The following CACNA1D variants were observed in gnomAD, a reference collection of about 807,000 sequenced individuals.
The protein encoded by CACNA1D is calcium voltage-gated channel subunit alpha1 D.
CACNA1D carries 55 observed loss-of-function variants against 257.1 expected under a neutral mutation model. That is an observed-to-expected ratio of 0.21 (90% CI 0.17 to 0.27). The LOEUF (loss-of-function observed/expected upper bound fraction) is 0.27, where lower values mean the gene tolerates loss of function less well. CACNA1D is among the 10% of genes least tolerant of loss of function. CACNA1D has a pLI of 1.00. For synonymous variants in CACNA1D, 980 were observed against 1,014.9 expected (o/e 0.97, Z 0.65); for missense variants, 1,876 against 2,784.0 (o/e 0.67, Z 7.34).
intron 3 of CACNA1D, among the ~76,000 whole-genome samples, chr3:53,553,870 A>T (rs1291102321): frequency 1.3e-5 from 2 of 151,094 alleles, no homozygotes; most frequent in Admixed American, 6.6e-5. Flanking sequence ...AGCTTTCCAT[A>T]CTAGATATGT....
In CACNA1D at chr3:53,625,273, G is replaced by A. The variant is rs559578214; in HGVS notation, c.484-25506G>A. Among the ~76,000 whole-genome samples, 4 of 152,316 alleles carry A rather than the reference G, an allele frequency of 2.6e-5. No individual in the cohort carries two copies. In the South Asian group the frequency reaches 8.3e-4, roughly 32 times the overall value. The stretch of plus-strand genomic sequence containing the variant: ...TCTGAGCACTGGTGCTGATGCTGGT[G>A]GGATGGACTACAGAGTCTGTCCCCA... On this transcript the variant is annotated intron_variant, in intron 3 of 47. Coordinates refer to ENST00000350061, the MANE Select transcript of CACNA1D (RefSeq NM_001128840.3).
chr3:53,589,732 C>T (rs2093275117), intron 3 of CACNA1D, among the ~76,000 whole-genome samples: 1 of 152,202 alleles, frequency 6.6e-6, no homozygotes, highest in Non-Finnish European at 1.5e-5. Context: ...TTCTCAACCT[C>T]CCAAAGCACT....
At chr3:53,513,758 C>T (rs147815954) in intron 3 of CACNA1D, among the ~76,000 whole-genome samples, 2 of 152,216 alleles carry the variant, frequency 1.3e-5, no homozygotes, top group Non-Finnish European at 2.9e-5. Flanking sequence ...CCTGCAAGCT[C>T]CATTCATGGT....
chr3:53,573,846 G>A (rs772662937), intron 3 of CACNA1D, among the ~76,000 whole-genome samples: 1 of 152,222 alleles, frequency 6.6e-6, no homozygotes, highest in African/African-American at 2.4e-5. Context: ...GTGAGATACA[G>A]TGTATCATTT....
intron 3 of CACNA1D, among the ~76,000 whole-genome samples, chr3:53,519,134 C>T (rs542269080): frequency 2.6e-5 from 4 of 152,294 alleles, no homozygotes; most frequent in African/African-American, 4.8e-5. Flanking sequence ...TAAAGAGACT[C>T]GGTTCTGGGG....
At chr3:53,797,369 A>C (rs928851148) in intron 40 of CACNA1D, among the ~76,000 whole-genome samples, 1 of 152,196 alleles carries the variant, frequency 6.6e-6, no homozygotes, top group African/African-American at 2.4e-5. Context: ...CATGTGAAAA[A>C]GTAGAGTCAG....
At chr3:53,746,114 CTCTA>C (rs2095166707) in intron 25 of CACNA1D, among the ~76,000 whole-genome samples, 1 of 152,116 alleles carries the variant, frequency 6.6e-6, no homozygotes, top group Non-Finnish European at 1.5e-5. Flanking sequence ...CAACCAACAT[CTCTA>C]TCTAGTTGCA....
At position 53,578,086 on chromosome 3, in the gene CACNA1D, CA is replaced by C. The variant is rs564220633; in HGVS notation, c.484-72692del. On this transcript the variant is annotated intron_variant, in intron 3 of 47. Transcript: ENST00000350061. Reference sequence around the variant, plus strand: ...AAGTCTGTGGGGGATGGAAAGGAACCATGAGAAGCCCCTTTCCTGGGGTGTC... The same window carrying C: ...AAGTCTGTGGGGGATGGAAAGGAACCTGAGAAGCCCCTTTCCTGGGGTGTC... 3.0e-4 allele frequency among the ~76,000 whole-genome samples: 45 copies of C among 152,156 alleles called. 1 individual carries two copies. The highest frequency in any genetic ancestry group is 1.9e-4 in the Non-Finnish European group (13 of 68,024).
In CACNA1D at chr3:53,803,652, G is replaced by A. The variant is rs78079551; in HGVS notation, c.5585+80G>A. 2,375 of 1,443,484 alleles carry A rather than the reference G, an allele frequency of 1.6e-3. 31 individuals carry two copies. The African/African-American group carries it at 0.029, about 17-fold the overall frequency. The allele number at this position is 1,443,484 out of a possible 1,614,324, so 89.4% of individuals were successfully genotyped here. A position where few individuals can be genotyped will look rare whatever the true frequency, so the allele number is the denominator to read the frequency against. On this transcript the variant is annotated intron_variant, in intron 44 of 47. Coordinates refer to ENST00000350061, the MANE Select transcript of CACNA1D (RefSeq NM_001128840.3). ...GCCCACTCCGGAAGCCAGGGCCACCGGCAGCTGCACTTGGGCTTCCCCTAA... is the reference window on the plus strand; with the variant it reads ...GCCCACTCCGGAAGCCAGGGCCACCAGCAGCTGCACTTGGGCTTCCCCTAA...
At chr3:53,685,763 G>T (rs1357170223) in intron 8 of CACNA1D, among the ~76,000 whole-genome samples, 1 of 152,006 alleles carries the variant, frequency 6.6e-6, no homozygotes, top group Non-Finnish European at 1.5e-5. Context: ...AATCCAACTG[G>T]GAAATTGTAT....
intron 8 of CACNA1D, among the ~76,000 whole-genome samples, chr3:53,680,151 C>T (rs2094415807): frequency 6.6e-6 from 1 of 152,124 alleles, no homozygotes; most frequent in African/African-American, 2.4e-5. Flanking sequence ...CGCTGGCTTA[C>T]AGCTACTGTT....
chr3:53,570,080 A>G (rs1465959960), intron 3 of CACNA1D, among the ~76,000 whole-genome samples: 2 of 152,222 alleles, frequency 1.3e-5, no homozygotes. Context: ...ATTCCTTTTA[A>G]ATACTGGCCG....
Position 53,569,544 on chromosome 3 carries a change from C to G in CACNA1D, c.483+67824C>G, listed in dbSNP as rs190288363. Among the ~76,000 whole-genome samples the G allele has an allele frequency of 3.2e-3, 494 of 152,296 alleles. 1 individual carries two copies. Among genetic ancestry groups the G allele is most frequent in the African/African-American group, 0.011 (456 of 41,562 alleles). On this transcript the variant is annotated intron_variant, in intron 3 of 47. Coordinates refer to ENST00000350061, the MANE Select transcript of CACNA1D (RefSeq NM_001128840.3). ...TAGGTCTCCATATACAGTGGAGATT[C>G]TAGTAATTCGCTGTCTCAGGTCCTG...
intron 3 of CACNA1D, among the ~76,000 whole-genome samples, chr3:53,595,630 G>A (rs994476537): frequency 6.6e-6 from 1 of 152,138 alleles, no homozygotes; most frequent in Non-Finnish European, 1.5e-5. Flanking sequence ...CTGGGCCCCT[G>A]CCTGACTCTT....
intron 3 of CACNA1D, among the ~76,000 whole-genome samples, chr3:53,635,481 G>A (rs77535322): frequency 0.011 from 1,704 of 152,310 alleles, 33 homozygotes; most frequent in African/African-American, 0.039. Context: ...CAGGGAAGAT[G>A]GGTGGGTTAT....
At chr3:53,734,693 T>C (rs1372785452) in intron 19 of CACNA1D, among the ~76,000 whole-genome samples, 1 of 152,120 alleles carries the variant, frequency 6.6e-6, no homozygotes, top group Non-Finnish European at 1.5e-5. Flanking sequence ...GTGAGAACTC[T>C]CATGCCGGGC....
In CACNA1D at chr3:53,751,994, C is replaced by CCTGTG; in HGVS notation, c.3675+87_3675+88insCTGTG. 2 of 1,333,378 alleles carry CCTGTG rather than the reference C, an allele frequency of 1.5e-6. No homozygotes were observed. The highest frequency in any genetic ancestry group is 2.2e-6 in the Non-Finnish European group (2 of 925,250). 82.6% of individuals were successfully genotyped at this position (1,333,378 alleles called of 1,614,324 possible). A position where few individuals can be genotyped will look rare whatever the true frequency, so the allele number is the denominator to read the frequency against. ...ATGCTGAGGGTGGAATGCTGCCCCT[C>CCTGTG]ACAGGAGGGGTTTGATTTTTCTGAT... On this transcript the variant is annotated intron_variant, in intron 28 of 47. Coordinates refer to ENST00000350061, the MANE Select transcript of CACNA1D (RefSeq NM_001128840.3). This position sits in a 1 kb window ranked among gnomAD's most constrained non-coding sequence, Gnocchi z 4.3.
At position 53,652,389 on chromosome 3, in the gene CACNA1D, G is replaced by A. The variant is rs190680955; in HGVS notation, c.623+1471G>A. ...AGACAGACAAGAGTTTGGGGAGGCA[G>A]AATAGGGGAGGGGAGGGAGCTATTT... On this transcript the variant is annotated intron_variant, in intron 4 of 47. Transcript: ENST00000350061. Among the ~76,000 whole-genome samples the A allele has an allele frequency of 1.4e-4, 21 of 152,306 alleles. No individual in the cohort carries two copies. In the East Asian group the frequency reaches 3.9e-3, roughly 28 times the overall value.
At chr3:53,703,340 G>A (rs1381863231) in intron 9 of CACNA1D, among the ~76,000 whole-genome samples, 1 of 152,174 alleles carries the variant, frequency 6.6e-6, no homozygotes, top group African/African-American at 2.4e-5. Flanking sequence ...GTGTTAAGGG[G>A]CACGTGAGTC....
Sources: gnomAD v4.1 joint callset for allele counts (sites outside exome capture counted in the v4.1 genomes callset) on GRCh38, gnomAD v4.1.1 for gene constraint, Gnocchi (gnomAD v3.1) non-coding constraint, MANE v1.5 for transcripts, NCBI Gene and HGNC (gene_info 2026-07-23, HGNC 2026-07-21) for gene names.